FBN2: variants seen among roughly 807,000 people sequenced by gnomAD.
The protein encoded by FBN2 is fibrillin 2, also known as fibrillin-2.
In FBN2, 105 loss-of-function variants were observed where a neutral mutation model predicts 355.6. The ratio of observed to expected loss-of-function variants is 0.30; its 90% CI spans 0.25 to 0.35. The LOEUF is 0.35. Among genes scored for constraint, FBN2 ranks in the 10% least tolerant of loss-of-function variants. The pLI is 1.00. For synonymous variants in FBN2, 1,350 were observed against 1,301.2 expected, an observed-to-expected ratio of 1.04 and a Z score of -0.81; for missense variants, 3,280 against 3,758.7, an observed-to-expected ratio of 0.87 and a Z score of 3.33.
At chr5:128,405,683 G>A (rs189584280) in intron 8 of FBN2, among the ~76,000 whole-genome samples, 30 of 152,016 alleles carry the variant, frequency 2.0e-4, no homozygotes, top group African/African-American at 4.8e-4. Context: ...GGAATAAAAC[G>A]CTGAAACTTG....
intron 44 of FBN2, among the ~76,000 whole-genome samples, 157 bp downstream of exon 44, chr5:128,305,354 T>G (rs1227294707): frequency 6.6e-6 from 1 of 152,228 alleles, no homozygotes; most frequent in Non-Finnish European, 1.5e-5. Flanking sequence ...TCTATTTTCT[T>G]AACAAAATCA....
At chr5:128,312,938 C>A in intron 36 of FBN2, 143 bp from the exon 37 acceptor site, 2 of 925,658 alleles carry the variant, frequency 2.2e-6, no homozygotes, top group Admixed American at 3.6e-5. Context: ...ACCAAGCAAT[C>A]TCCTGCTTTT....
At chr5:128,391,949 C>T in intron 11 of FBN2, 69 bp downstream of exon 11, 2 of 1,405,630 alleles carry the variant, frequency 1.4e-6, no homozygotes, top group Non-Finnish European at 2.0e-6. Flanking sequence ...ATATTCATTC[C>T]AATTTGATCC....
chr5:128,278,720 G>C lies in FBN2; in HGVS notation c.7260C>G (p.His2420Gln), dbSNP rs775251012. ...CAGGAAGTGGGCAAAGCTCGCACTG[G>C]TGGCCCCAGCCTCGCCCACCATCAC... ...CCCDGGRGWG[H>Q]QCELCPLPGT... is the part of the protein sequence containing the mutation. The change falls in exon 57 of 65, where the codon CAC becomes CAG. Residue 2420 changes from histidine to glutamine, a missense_variant. Around this residue, in one of 6 missense-constraint regions of FBN2, gnomAD observed 2,284 missense variants for 2,749.5 expected, o/e 0.83. Coordinates refer to ENST00000262464, the MANE Select transcript of FBN2 (RefSeq NM_001999.4). 6.2e-7 allele frequency: 1 copy of C among 1,614,158 alleles called. No individual in the cohort carries two copies. The highest frequency in any genetic ancestry group is 1.7e-5 in the Admixed American group (1 of 60,012).
At chr5:128,374,172 T>A (rs1752021339) in intron 15 of FBN2, among the ~76,000 whole-genome samples, 1 of 152,174 alleles carries the variant, frequency 6.6e-6, no homozygotes, top group Non-Finnish European at 1.5e-5. Flanking sequence ...AAGGGGGCTA[T>A]CTGGGGGTTC....
chr5:128,324,127 G>A (rs1258062557), intron 34 of FBN2, among the ~76,000 whole-genome samples: 1 of 152,158 alleles, frequency 6.6e-6, no homozygotes, highest in Non-Finnish European at 1.5e-5. Context: ...TGTGTGATCA[G>A]TGGTGATATC....
chr5:128,498,687 A>C (rs946241400), intron 5 of FBN2, among the ~76,000 whole-genome samples: 4 of 152,226 alleles, frequency 2.6e-5, no homozygotes, highest in African/African-American at 9.6e-5. Flanking sequence ...CTGTGAAATA[A>C]GAAATGAATA....
intron 19 of FBN2, among the ~76,000 whole-genome samples, 179 bp downstream of exon 19, chr5:128,361,544 G>A (rs1414576321): frequency 3.3e-5 from 5 of 152,188 alleles, no homozygotes; most frequent in Non-Finnish European, 7.3e-5. Context: ...AATTGATGGT[G>A]TTTGTAAACT....
In FBN2 at chr5:128,258,720, C is replaced by T. The variant is rs1209048307; in HGVS notation, c.*735G>A. On this transcript the variant is annotated 3_prime_UTR_variant, in exon 65 of 65. Transcript: ENST00000262464. The stretch of plus-strand genomic sequence containing the variant: ...GTATTTTGCTACAGTGGTTGTGCTT[C>T]AACTTCTGTTGCCTGGTGTGTCTGG... 1 of 152,756 alleles carries T rather than the reference C, an allele frequency of 6.5e-6. No individual in the cohort carries two copies. Among genetic ancestry groups the T allele is most frequent in the African/African-American group, 2.4e-5 (1 of 41,438 alleles). The allele number at this position is 152,756 out of a possible 1,614,324, so 9.5% of individuals were successfully genotyped here.
At chr5:128,266,266 G>C (rs531104768) in intron 62 of FBN2, among the ~76,000 whole-genome samples, 2 of 152,264 alleles carry the variant, frequency 1.3e-5, no homozygotes, top group African/African-American at 4.8e-5. Context: ...GTCGTACCCA[G>C]GCACCTGCTG....
In FBN2 at chr5:128,393,234, T is replaced by C. The variant is rs1342259506; in HGVS notation, c.1366A>G (p.Thr456Ala). Reference protein sequence around the residue: ...GNGNGYGPGGTGFIPIPGGNG... With the variant: ...GNGNGYGPGGAGFIPIPGGNG... ...CCTCCAGGGATGGGGATGAAGCCTG[T>C]CCCTCCTGGGCCATAGCCATTGCCA... The change falls in exon 10 of 65, where the codon ACA (threonine) becomes GCA (alanine). Residue 456 changes from threonine (T) to alanine (A), a missense_variant. Transcript: ENST00000262464. 8 of 1,614,144 alleles carry C rather than the reference T, an allele frequency of 5.0e-6. No individual in the cohort carries two copies. Among genetic ancestry groups the C allele is most frequent in the Non-Finnish European group, 6.8e-6 (8 of 1,180,024 alleles).
chr5:128,287,488 C>T (rs1272790715), intron 53 of FBN2, 58 bp from the exon 54 acceptor site: 20 of 1,597,002 alleles, frequency 1.3e-5, no homozygotes, highest in Middle Eastern at 1.7e-4. Flanking sequence ...ATTTGTGTAA[C>T]TAAATGTTGA....
At chr5:128,307,243 C>A in intron 41 of FBN2, 40 bp from the exon 42 acceptor site, 1 of 1,092,102 alleles carries the variant, frequency 9.2e-7, no homozygotes, top group Non-Finnish European at 1.4e-6. Context: ...TTAAATTTCT[C>A]AAATTCCTTC....
rs911536706 is a variant in FBN2, at chr5:128,328,824, G to A, written c.4346-3C>T. The A allele has an allele frequency of 2.5e-6, 4 of 1,613,982 alleles. No homozygotes were observed. The highest frequency in any genetic ancestry group is 3.4e-6 in the Non-Finnish European group (4 of 1,180,012). The stretch of plus-strand genomic sequence containing the variant: ...GTTTTCTGCACACTCATCAACATCT[G>A]TGCAAAAAAGCAAATTACATCTCTG... On this transcript the variant is annotated splice_region_variant and splice_polypyrimidine_tract_variant and intron_variant, in intron 33 of 64. Transcript: ENST00000262464.
At chr5:128,459,763 T>A (rs903815282) in intron 6 of FBN2, among the ~76,000 whole-genome samples, 11 of 152,136 alleles carry the variant, frequency 7.2e-5, no homozygotes, top group African/African-American at 2.7e-4. Context: ...AAAGTCAACA[T>A]CCGTTCATGT....
chr5:128,537,213 A>T, intron 1 of FBN2, 137 bp downstream of exon 1: 1 of 1,417,104 alleles, frequency 7.1e-7, no homozygotes, highest in South Asian at 1.4e-5. Context: ...GGGTCTTTGG[A>T]TATTCTGGCA....
At chr5:128,314,841 A>G (rs923029917) in intron 36 of FBN2, among the ~76,000 whole-genome samples, 1 of 152,080 alleles carries the variant, frequency 6.6e-6, no homozygotes, top group African/African-American at 2.4e-5. Context: ...ATCTCATTTC[A>G]TTTTTATAAC....
At chr5:128,318,370 T>C (rs1373592625) in intron 35 of FBN2, 99 bp from the exon 36 acceptor site, 5 of 1,189,694 alleles carry the variant, frequency 4.2e-6, no homozygotes, top group Non-Finnish European at 5.0e-6. Context: ...AGTGAGTAGA[T>C]TAAAGATCAC....
At chr5:128,299,503 T>G (rs951317514) in intron 48 of FBN2, among the ~76,000 whole-genome samples, 2 of 151,406 alleles carry the variant, frequency 1.3e-5, no homozygotes, top group African/African-American at 4.9e-5. Context: ...CTCCGAGCCA[T>G]GTGCGGGATA....
Sources: allele counts gnomAD v4.1 joint callset (sites outside exome capture counted in the v4.1 genomes callset), GRCh38; gene constraint gnomAD v4.1.1; regional missense constraint gnomAD v4.1.1; transcripts MANE v1.5; gene names NCBI Gene and HGNC (gene_info 2026-07-23, HGNC 2026-07-21).